Variants in BEGAIN observed in about 807,000 individuals in gnomAD.
BEGAIN encodes the protein brain enriched guanylate kinase associated.
In BEGAIN, 19 loss-of-function variants were observed where a neutral mutation model predicts 35.8. The observed-to-expected ratio is 0.53, with a 90% CI of 0.37 to 0.78. BEGAIN has a LOEUF of 0.78. BEGAIN is among the 30% of genes least tolerant of loss of function. The pLI is 0.00. For missense variants in BEGAIN, 795 were observed against 853.6 expected (o/e 0.93, Z 0.85); for synonymous variants, 462 against 388.6 (o/e 1.19, Z -2.22).
intron 1 of BEGAIN, among the ~76,000 whole-genome samples, chr14:100,584,436 G>A (rs2035391188): frequency 6.6e-6 from 1 of 152,212 alleles, no homozygotes; most frequent in Non-Finnish European, 1.5e-5. Context: ...TACTGGCCAA[G>A]GTCCATGTCT....
rs1389915385 is a variant in BEGAIN at position 100,540,483 on chromosome 14, G to C, written c.492+13C>G. The C allele has an allele frequency of 1.3e-6, 2 of 1,578,462 alleles. No homozygotes were observed. Among genetic ancestry groups the C allele is most frequent in the Non-Finnish European group, 1.7e-6 (2 of 1,162,978 alleles). On this transcript the variant is annotated intron_variant, in intron 6 of 6. Transcript: ENST00000554140. ...CCCGGGGCGGGGTGGGCCTGGCTGC[G>C]GGGCCACGTTACCTCAGACACCTTG...
At chr14:100,583,692 C>CTTTTTTTTTTTTTTTTTTTTTTT (rs56090356) in intron 1 of BEGAIN, among the ~76,000 whole-genome samples, 4 of 108,978 alleles carry the variant, frequency 3.7e-5, no homozygotes, top group Non-Finnish European at 5.4e-5. Context: ...GTTTTTCTTC[C>CTTTTTTTTTTTTTTTTTTTTTTT]TTTTTTTTTT....
chr14:100,584,313 G>A (rs538871313), intron 1 of BEGAIN, among the ~76,000 whole-genome samples: 1 of 152,292 alleles, frequency 6.6e-6, no homozygotes, highest in Non-Finnish European at 1.5e-5. Flanking sequence ...GCAGACCACA[G>A]AGGCTGCTGT....
At chr14:100,579,537 G>C (rs2139760464) in intron 1 of BEGAIN, among the ~76,000 whole-genome samples, 1 of 152,324 alleles carries the variant, frequency 6.6e-6, no homozygotes, top group African/African-American at 2.4e-5. Flanking sequence ...GGCCTGGTGG[G>C]CATTACCACC....
chr14:100,584,167 T>C (rs1250969127), intron 1 of BEGAIN, among the ~76,000 whole-genome samples: 1 of 152,210 alleles, frequency 6.6e-6, no homozygotes, highest in Non-Finnish European at 1.5e-5. Context: ...CAGGCTTCCA[T>C]GTCTGGCTTC....
chr14:100,542,386 G>A (rs1295098300), intron 5 of BEGAIN, among the ~76,000 whole-genome samples: 2 of 152,336 alleles, frequency 1.3e-5, no homozygotes, highest in East Asian at 3.9e-4. Context: ...ATCCTTGCTG[G>A]TCCCTACTCC....
intron 1 of BEGAIN, chr14:100,577,528 G>C (rs987632611): frequency 5.0e-6 from 2 of 399,140 alleles, no homozygotes; most frequent in African/African-American, 4.1e-5. Flanking sequence ...TCGATCCACT[G>C]CAGAGGGCTC....
chr14:100,544,432 A>G (rs1414988926), intron 4 of BEGAIN, among the ~76,000 whole-genome samples: 4 of 152,250 alleles, frequency 2.6e-5, no homozygotes, highest in African/African-American at 9.6e-5. Flanking sequence ...TTTCAAAACC[A>G]AAATGAGCTG....
chr14:100,577,410 G>C, intron 1 of BEGAIN: 1 of 399,378 alleles, frequency 2.5e-6, no homozygotes, highest in East Asian at 3.6e-5. Flanking sequence ...GCCCCACTCT[G>C]CTTGCAGCCT....
chr14:100,560,425 C>A (rs947288892), intron 2 of BEGAIN, among the ~76,000 whole-genome samples: 1 of 152,212 alleles, frequency 6.6e-6, no homozygotes, highest in Non-Finnish European at 1.5e-5. Context: ...CCAGGGAAGC[C>A]CAGCCATGTG....
rs1355115018 is a variant in BEGAIN, at chr14:100,567,872, G to A, written c.71+39C>T. The A allele has an allele frequency of 2.1e-6, 3 of 1,413,530 alleles. No homozygotes were observed. Among genetic ancestry groups the A allele is most frequent in the Admixed American group, 2.4e-5 (1 of 42,422 alleles). 87.6% of individuals were successfully genotyped at this position (1,413,530 alleles called of 1,614,324 possible). On this transcript the variant is annotated intron_variant, in intron 2 of 6. Coordinates refer to ENST00000554140, the MANE Select transcript of BEGAIN (RefSeq NM_001385089.1). This position sits in a 1 kb window ranked among gnomAD's most constrained non-coding sequence, Gnocchi z 5.1. ...TCCCCAGCGCCCTCACCCCCGACCC[G>A]GCCCCCGCGAGCCGCGGCACGGGAG...
chr14:100,581,861 G>A (rs1239980166), intron 1 of BEGAIN, among the ~76,000 whole-genome samples: 1 of 152,278 alleles, frequency 6.6e-6, no homozygotes, highest in Non-Finnish European at 1.5e-5. Context: ...GGAGCAGGAA[G>A]ACCAGGCCAC....
rs376584867 is a variant in BEGAIN at position 100,538,140 on chromosome 14, G to A, written c.1668C>T (p.Pro556=). 2.6e-6 allele frequency: 4 copies of A among 1,535,164 alleles called. No individual in the cohort carries two copies. Among genetic ancestry groups the A allele is most frequent in the Middle Eastern group, 4.0e-4 (2 of 5,038 alleles). ...CCAAGGAGTCCCTGGAACCCTGCTC[G>A]GGCTCAGGGCTGCTGGCGGTCCCAC... The part of the protein sequence containing the change: ...QLCGTASSPE[P]EQGSRDSLEP... The change falls in exon 7 of 7, where the codon CCC becomes CCT. Residue 556 remains proline, a synonymous_variant. Transcript: ENST00000554140.
At position 100,571,408 on chromosome 14, in the gene BEGAIN, C is replaced by T. The variant is rs528734794; in HGVS notation, c.43-3469G>A. Among the ~76,000 whole-genome samples the T allele has an allele frequency of 3.9e-5, 6 of 152,272 alleles. No homozygotes were observed. The East Asian group carries it at 7.8e-4, about 20-fold the overall frequency. On this transcript the variant is annotated intron_variant, in intron 1 of 6. Coordinates refer to ENST00000554140, the MANE Select transcript of BEGAIN (RefSeq NM_001385089.1). ...TCTTACTAGCGATGGGAGGGCCGCC[C>T]GGGTCAGAAACATGCCCGTCCACCC...
rs1249026381 is a variant in BEGAIN at position 100,537,856 on chromosome 14, TC to T, written c.*112del. On this transcript the variant is annotated 3_prime_UTR_variant, in exon 7 of 7. Coordinates refer to ENST00000554140, the MANE Select transcript of BEGAIN (RefSeq NM_001385089.1). ...GGAGGTGCGGGGAGGAACAGACTCC[TC>T]GTTGTTGGCCGGGGCAGGGGAACAG... 17 of 1,419,846 alleles carry T rather than the reference TC, an allele frequency of 1.2e-5. No individual in the cohort carries two copies. The highest frequency in any genetic ancestry group is 1.6e-5 in the Non-Finnish European group (17 of 1,079,792). The allele number at this position is 1,419,846 out of a possible 1,614,324, so 88.0% of individuals were successfully genotyped here. A position where few individuals can be genotyped will look rare whatever the true frequency, so the allele number is the denominator to read the frequency against.
rs2034839026 is a variant in BEGAIN at position 100,567,854 on chromosome 14, C to A, written c.71+57G>T. Reference sequence around the variant, plus strand: ...AGCCCCCTTCCCCCGCCTTCCCCAGCGCCCTCACCCCCGACCCGGCCCCCG... The same window carrying A: ...AGCCCCCTTCCCCCGCCTTCCCCAGAGCCCTCACCCCCGACCCGGCCCCCG... On this transcript the variant is annotated intron_variant, in intron 2 of 6. Transcript: ENST00000554140. The surrounding 1 kb of genome is among the most constrained non-coding windows in gnomAD (Gnocchi z 5.1). The A allele has an allele frequency of 4.2e-6, 6 of 1,434,984 alleles. No individual in the cohort carries two copies. The African/African-American group carries it at 4.5e-5, about 11-fold the overall frequency. 88.9% of individuals were successfully genotyped at this position (1,434,984 alleles called of 1,614,324 possible). A position where few individuals can be genotyped will look rare whatever the true frequency, so the allele number is the denominator to read the frequency against.
rs937662097 is a variant in BEGAIN, at chr14:100,586,440, C to T, written c.42+809G>A. Among the ~76,000 whole-genome samples the T allele has an allele frequency of 6.6e-6, 1 of 152,208 alleles. No homozygotes were observed. The highest frequency in any genetic ancestry group is 2.1e-4 in the South Asian group (1 of 4,832). On this transcript the variant is annotated intron_variant, in intron 1 of 6. Transcript: ENST00000554140. This position sits in a 1 kb window ranked among gnomAD's most constrained non-coding sequence, Gnocchi z 4.9. ...GGGTGCCCACTCTGCTCCCATTCTG[C>T]CGGCTCAGGAGACTCCAGCGCGTCG... is the stretch of plus-strand genomic sequence containing the variant.
chr14:100,541,035 C>T (rs977586055), intron 5 of BEGAIN, among the ~76,000 whole-genome samples: 9 of 152,366 alleles, frequency 5.9e-5, no homozygotes, highest in Non-Finnish European at 1.0e-4. Context: ...CCTTCCACCC[C>T]GCACTTCAGA....
chr14:100,538,527 C>T lies in BEGAIN; in HGVS notation c.1281G>A (p.Arg427=). The change falls in exon 7 of 7, where the codon CGG becomes CGA. Residue 427 remains arginine, a synonymous_variant. Coordinates refer to ENST00000554140, the MANE Select transcript of BEGAIN (RefSeq NM_001385089.1). ...GGCCCCTCATGTCCTCCCCGGGGAG[C>T]CGGGCGGTCCCCGGCTTGGCCCGCA... ...WSLRAKPGTA[R]LPGEDMRGQW... 1 of 1,516,694 alleles carries T rather than the reference C, an allele frequency of 6.6e-7. No homozygotes were observed. The highest frequency in any genetic ancestry group is 1.3e-5 in the South Asian group (1 of 75,350). The allele number at this position is 1,516,694 out of a possible 1,614,324, so 94.0% of individuals were successfully genotyped here.
Sources: gnomAD v4.1 joint callset for allele counts (sites outside exome capture counted in the v4.1 genomes callset) on GRCh38, gnomAD v4.1.1 for gene constraint, Gnocchi (gnomAD v3.1) non-coding constraint, MANE v1.5 for transcripts, NCBI Gene and HGNC (gene_info 2026-07-23, HGNC 2026-07-21) for gene names.